VWF: variants seen among roughly 807,000 people sequenced by gnomAD.
VWF encodes von Willebrand factor.
VWF carries 176 observed loss-of-function variants against 308.6 expected under a neutral mutation model. That is an observed-to-expected ratio of 0.57 (90% confidence interval 0.50 to 0.65). The LOEUF is 0.65. VWF is among the 30% of genes least tolerant of loss of function. VWF has a pLI of 0.00. For missense variants in VWF, 3,146 were observed against 3,648.2 expected, an observed-to-expected ratio of 0.86 and a Z score of 3.55; for synonymous variants, 1,385 against 1,443.4, an observed-to-expected ratio of 0.96 and a Z score of 0.92.
At chr12:6,026,617 G>T (rs369206481) in intron 22 of VWF, among the ~76,000 whole-genome samples, 75 of 152,304 alleles carry the variant, frequency 4.9e-4, no homozygotes, top group African/African-American at 1.8e-3. Flanking sequence ...CATGCAACAA[G>T]TTCTGAAAAA....
chr12:6,080,127 G>A, intron 6 of VWF, among the ~76,000 whole-genome samples: 1 of 152,132 alleles, frequency 6.6e-6, no homozygotes, highest in Non-Finnish European at 1.5e-5. Context: ...GCCGAGTTAG[G>A]TGTTCTCACA....
In VWF at chr12:6,011,616, C is replaced by G; in HGVS notation, c.5842+1G>C. 1 of 1,606,216 alleles carries G rather than the reference C, an allele frequency of 6.2e-7. No homozygotes were observed. The highest frequency in any genetic ancestry group is 8.5e-7 in the Non-Finnish European group (1 of 1,177,322). On this transcript the variant is annotated splice_donor_variant, in intron 34 of 51. Coordinates refer to ENST00000261405, the MANE Select transcript of VWF (RefSeq NM_000552.5). LOFTEE classifies it high-confidence loss of function. ...CCTGGCTGGAGAAGCAAAGGACTCACAGGGGCAGGTCCAGCGGCAGCCACA... is the reference window on the plus strand; with the variant it reads ...CCTGGCTGGAGAAGCAAAGGACTCAGAGGGGCAGGTCCAGCGGCAGCCACA...
chr12:5,980,123 GA>G (rs1943583887), intron 42 of VWF, among the ~76,000 whole-genome samples: 1 of 58,976 alleles, frequency 1.7e-5, no homozygotes, highest in African/African-American at 4.3e-5. Context: ...AGGAAGGAAG[GA>G]AGGAAGGAAG....
intron 32 of VWF, among the ~76,000 whole-genome samples, chr12:6,012,739 T>C (rs1685794544): frequency 6.6e-6 from 1 of 151,118 alleles, no homozygotes; most frequent in African/African-American, 2.4e-5. Flanking sequence ...TCTCACTCTG[T>C]TGCCCAGGCT....
intron 37 of VWF, among the ~76,000 whole-genome samples, 168 bp downstream of exon 37, chr12:5,993,694 T>G (rs1943770709): frequency 6.6e-6 from 1 of 151,184 alleles, no homozygotes; most frequent in Admixed American, 6.6e-5. Context: ...TATATGTATA[T>G]GTATATATAT....
intron 6 of VWF, among the ~76,000 whole-genome samples, chr12:6,078,483 C>CA (rs1169354643): frequency 1.3e-5 from 2 of 152,192 alleles, no homozygotes; most frequent in African/African-American, 4.8e-5. Context: ...TCACTGAACT[C>CA]AGAGTGCAGA....
rs549008581 is a variant in VWF at position 5,980,056 on chromosome 12, G to C, written c.7287+1730C>G. On this transcript the variant is annotated intron_variant, in intron 42 of 51. Coordinates refer to ENST00000261405, the MANE Select transcript of VWF (RefSeq NM_000552.5). ...ACTCCATCTCAAAAAAAAAAAAGAA[G>C]AACGAATGAAAAGAAAGAAAGAAAG... 7.2e-5 allele frequency among the ~76,000 whole-genome samples: 10 copies of C among 139,424 alleles called. 1 individual carries two copies. In the South Asian group the frequency reaches 2.4e-3, roughly 33 times the overall value. 91.5% of individuals were successfully genotyped at this position (139,424 alleles called of 152,430 possible). A position where few individuals can be genotyped will look rare whatever the true frequency, so the allele number is the denominator to read the frequency against.
intron 47 of VWF, among the ~76,000 whole-genome samples, chr12:5,956,499 T>C (rs1056568234): frequency 6.6e-6 from 1 of 151,972 alleles, no homozygotes; most frequent in African/African-American, 2.4e-5. Context: ...AACAAAAAAG[T>C]TTAAAGATAA....
rs1379119143 is a variant in VWF, at chr12:6,006,295, C to CA, written c.5842+5321dup. 8.6e-5 allele frequency among the ~76,000 whole-genome samples: 13 copies of CA among 151,662 alleles called. No homozygotes were observed. In the East Asian group the frequency reaches 1.5e-3, roughly 18 times the overall value. Reference sequence around the variant, plus strand: ...GAAGGAGTCAAATCTCATCATTACCCAAAAAAATCAATGAAACACAAAGAA... The same window carrying CA: ...GAAGGAGTCAAATCTCATCATTACCCAAAAAAAATCAATGAAACACAAAGAA... On this transcript the variant is annotated intron_variant, in intron 34 of 51. Transcript: ENST00000261405.
chr12:6,094,518 G>C (rs181132270), intron 6 of VWF, among the ~76,000 whole-genome samples: 15 of 152,274 alleles, frequency 9.9e-5, no homozygotes, highest in African/African-American at 3.4e-4. Flanking sequence ...GTCTAAAACA[G>C]AAAAGCATAG....
At position 6,084,784 on chromosome 12, in the gene VWF, C is replaced by T. The variant is rs903181463; in HGVS notation, c.658-9233G>A. ...CAGCAGCCCCTGGTAGGTATGGAGGCGCCTGGAGTCTGAGCTGCTCCAAAG... is the reference window on the plus strand; with the variant it reads ...CAGCAGCCCCTGGTAGGTATGGAGGTGCCTGGAGTCTGAGCTGCTCCAAAG... On this transcript the variant is annotated intron_variant, in intron 6 of 51. Transcript: ENST00000261405. Among the ~76,000 whole-genome samples the T allele has an allele frequency of 5.3e-5, 8 of 152,152 alleles. No homozygotes were observed. In the East Asian group the frequency reaches 9.6e-4, roughly 18 times the overall value.
At chr12:6,065,963 G>A (rs1046773542) in intron 10 of VWF, among the ~76,000 whole-genome samples, 1 of 152,210 alleles carries the variant, frequency 6.6e-6, no homozygotes, top group Admixed American at 6.5e-5. Context: ...GGGCCAATGG[G>A]GAACCAGGAG....
Position 6,057,958 on chromosome 12 carries a change from C to T in VWF, c.1620G>A (p.Gly540=). Residue 540 remains glycine, a synonymous_variant, in exon 14 of 52, where the codon GGG becomes GGA. Coordinates refer to ENST00000261405, the MANE Select transcript of VWF (RefSeq NM_000552.5). ...NQGDDFLTPS[G]LAEPRVEDFG... ...AGTCCTCCACCCGGGGCTCCGCCAG[C>T]CCAGAGGGGGTAAGGAAGTCGTCGC... 1 of 1,613,766 alleles carries T rather than the reference C, an allele frequency of 6.2e-7. No individual in the cohort carries two copies. Among genetic ancestry groups the T allele is most frequent in the Non-Finnish European group, 8.5e-7 (1 of 1,180,038 alleles).
At chr12:6,065,096 T>C (rs1288453921) in intron 11 of VWF, 41 bp downstream of exon 11, 2 of 1,613,616 alleles carry the variant, frequency 1.2e-6, no homozygotes, top group Non-Finnish European at 8.5e-7. Flanking sequence ...TGCAGCACCT[T>C]GGGCTACCAC....
At chr12:6,078,028 AATG>A (rs746050345) in intron 6 of VWF, among the ~76,000 whole-genome samples, 2 of 152,044 alleles carry the variant, frequency 1.3e-5, no homozygotes, top group Non-Finnish European at 1.5e-5. Flanking sequence ...TACCTTAATA[AATG>A]ATGACCCCTA....
At chr12:6,116,914 G>A (rs1945373200) in intron 3 of VWF, among the ~76,000 whole-genome samples, 1 of 152,174 alleles carries the variant, frequency 6.6e-6, no homozygotes, top group Admixed American at 6.5e-5. Flanking sequence ...AAGAAGGTAG[G>A]CATGTGCACG....
intron 5 of VWF, among the ~76,000 whole-genome samples, chr12:6,109,345 C>A (rs1206556445): frequency 6.6e-6 from 1 of 151,864 alleles, no homozygotes; most frequent in Non-Finnish European, 1.5e-5. Flanking sequence ...CAAACACACA[C>A]ACATATATAG....
chr12:6,026,945 A>C (rs1244583340), intron 22 of VWF, among the ~76,000 whole-genome samples: 1 of 152,236 alleles, frequency 6.6e-6, no homozygotes, highest in Non-Finnish European at 1.5e-5. Flanking sequence ...AAAAAACTGG[A>C]AATATTTGGC....
At chr12:5,989,476 C>T (rs1260516594) in intron 38 of VWF, among the ~76,000 whole-genome samples, 1 of 152,136 alleles carries the variant, frequency 6.6e-6, no homozygotes, top group East Asian at 1.9e-4. Flanking sequence ...TGTTTTCATT[C>T]ATTTAAACTG....
Sources: allele counts gnomAD v4.1 joint callset (sites outside exome capture counted in the v4.1 genomes callset), GRCh38; gene constraint gnomAD v4.1.1; transcripts MANE v1.5; gene names NCBI Gene and HGNC (gene_info 2026-07-23, HGNC 2026-07-21).